PLCG2: variants seen among roughly 807,000 people sequenced by gnomAD.
PLCG2 encodes phospholipase C gamma 2.
In PLCG2, 69 loss-of-function variants were observed where a neutral mutation model predicts 175.6. That is an observed-to-expected ratio of 0.39 (90% CI 0.32 to 0.48). PLCG2 has a LOEUF of 0.48. Among genes scored for constraint, PLCG2 ranks in the 20% least tolerant of loss-of-function variants. The pLI is 0.91. For synonymous variants in PLCG2, 827 were observed against 624.0 expected (o/e 1.33, Z -4.85); for missense variants, 1,798 against 1,650.9 (o/e 1.09, Z -1.54).
At chr16:81,902,529 A>T (rs1316150914) in intron 14 of PLCG2, among the ~76,000 whole-genome samples, 1 of 152,138 alleles carries the variant, frequency 6.6e-6, no homozygotes, top group Non-Finnish European at 1.5e-5. Context: ...ACATGGAGAT[A>T]TCTTTGGCCT....
chr16:81,860,158 TTATTATTATTATTA>T (rs1906897128), intron 5 of PLCG2, among the ~76,000 whole-genome samples: 1 of 99,040 alleles, frequency 1.0e-5, no homozygotes, highest in Admixed American at 9.9e-5. Context: ...ATTATTATTA[TTATTATTATTATTA>T]TTTTTTTTTT....
rs866916966 is a variant in PLCG2 at position 81,932,472 on chromosome 16, T to C, written c.2739+818T>C. 2.0e-5 allele frequency among the ~76,000 whole-genome samples: 3 copies of C among 152,358 alleles called. No individual in the cohort carries two copies. In the South Asian group the frequency reaches 6.2e-4, roughly 32 times the overall value. ...TGGAAAGAAATTGTAGGGTTTCCCA[T>C]GCACCCATTTGTTTCTAAGGTAGAA... On this transcript the variant is annotated intron_variant, in intron 25 of 32. Transcript: ENST00000564138.
At chr16:81,748,049 A>G (rs1597301669) in intron 1 of PLCG2, among the ~76,000 whole-genome samples, 1 of 152,196 alleles carries the variant, frequency 6.6e-6, no homozygotes, top group East Asian at 1.9e-4. Context: ...TAATTTTTGT[A>G]TTTTTAGTAG....
intron 1 of PLCG2, among the ~76,000 whole-genome samples, chr16:81,782,531 G>A (rs1180211788): frequency 6.6e-6 from 1 of 152,222 alleles, no homozygotes; most frequent in Non-Finnish European, 1.5e-5. Context: ...CCTGAGCTGG[G>A]TGCTGGCAGG....
At chr16:81,859,210 C>A in intron 5 of PLCG2, 47 bp downstream of exon 5, 2 of 1,260,852 alleles carry the variant, frequency 1.6e-6, no homozygotes, top group Non-Finnish European at 1.2e-6. Context: ...TTTCGATCCT[C>A]ATTCTATCTT....
upstream of PLCG2, among the ~76,000 whole-genome samples, chr16:81,776,087 C>CTTTCTTTCTTGCTTTTTT (rs1484803060): frequency 1.5e-5 from 1 of 66,922 alleles, no homozygotes; most frequent in Non-Finnish European, 3.3e-5. Flanking sequence ...CTCTCTCTCT[C>CTTTCTTTCTTGCTTTTTT]TCTTTCTTTC....
intron 14 of PLCG2, among the ~76,000 whole-genome samples, chr16:81,901,362 A>C (rs959572743): frequency 3.5e-4 from 54 of 152,182 alleles, no homozygotes; most frequent in African/African-American, 1.3e-3. Flanking sequence ...TATTAGGATA[A>C]AGAGACCATA....
rs1041622334 is a variant in PLCG2, at chr16:81,865,773, C to T, written c.480-3441C>T. Among the ~76,000 whole-genome samples, 68 of 149,768 alleles carry T rather than the reference C, an allele frequency of 4.5e-4. 1 individual carries two copies. Among genetic ancestry groups the T allele is most frequent in the Admixed American group, 3.0e-3 (45 of 15,108 alleles). On this transcript the variant is annotated intron_variant, in intron 5 of 32. Transcript: ENST00000564138. ...GGGCAGCAGCGTGAGAGGACGCTGG[C>T]CTCTCCCTTGCTCCCAGGATGGGCT...
At chr16:81,823,744 G>A (rs572793247) in intron 2 of PLCG2, among the ~76,000 whole-genome samples, 5 of 150,266 alleles carry the variant, frequency 3.3e-5, no homozygotes, top group Admixed American at 1.3e-4. Context: ...TGCCCAGGCT[G>A]GCCTTGAATT....
At chr16:81,748,056 G>A (rs1909737923) in intron 1 of PLCG2, among the ~76,000 whole-genome samples, 1 of 152,114 alleles carries the variant, frequency 6.6e-6, no homozygotes, top group African/African-American at 2.4e-5. Context: ...TGTATTTTTA[G>A]TAGAAACAGG....
At position 81,823,980 on chromosome 16, in the gene PLCG2, CCTTCTTTTT is replaced by C. The variant is rs111947694; in HGVS notation, c.194-30461_194-30453del. Among the ~76,000 whole-genome samples, 797 of 146,510 alleles carry C rather than the reference CCTTCTTTTT, an allele frequency of 5.4e-3. 5 individuals are homozygous for C. Among genetic ancestry groups the C allele is most frequent in the African/African-American group, 0.019 (757 of 39,258 alleles). On this transcript the variant is annotated intron_variant, in intron 2 of 32. Transcript: ENST00000564138. The stretch of plus-strand genomic sequence containing the variant: ...TTCCCTTTCCTTCCTTCCTTCTTTT[CCTTCTTTTT>C]CTGTTTCTTTTTCTTTTTCCTTTCC...
intron 2 of PLCG2, among the ~76,000 whole-genome samples, chr16:81,807,832 C>CA (rs1483512469): frequency 6.6e-6 from 1 of 152,118 alleles, no homozygotes; most frequent in Non-Finnish European, 1.5e-5. Flanking sequence ...ATGGAGAAAG[C>CA]AGGAGCAAGA....
intron 2 of PLCG2, among the ~76,000 whole-genome samples, chr16:81,796,753 A>C (rs1194552958): frequency 6.6e-6 from 1 of 152,192 alleles, no homozygotes; most frequent in Admixed American, 6.5e-5. Flanking sequence ...TGAGTCATGC[A>C]TCTGCAAGCT....
At chr16:81,819,782 C>T (rs1387703041) in intron 2 of PLCG2, among the ~76,000 whole-genome samples, 1 of 152,104 alleles carries the variant, frequency 6.6e-6, no homozygotes, top group Non-Finnish European at 1.5e-5. Flanking sequence ...ATGGGGGTTT[C>T]ACCATGTTGG....
chr16:81,954,574 G>A (rs568281138), intron 31 of PLCG2, among the ~76,000 whole-genome samples: 3 of 152,328 alleles, frequency 2.0e-5, no homozygotes, highest in African/African-American at 7.2e-5. Context: ...TTATGAGTGA[G>A]AACATATGGT....
intron 2 of PLCG2, among the ~76,000 whole-genome samples, chr16:81,807,049 G>A (rs1289548304): frequency 1.3e-5 from 2 of 152,174 alleles, no homozygotes; most frequent in African/African-American, 2.4e-5. Context: ...CTCCTGAGTC[G>A]TCCATTCTAC....
chr16:81,858,781 A>G (rs898380759), intron 4 of PLCG2, among the ~76,000 whole-genome samples: 15 of 152,190 alleles, frequency 9.9e-5, no homozygotes, highest in South Asian at 2.1e-4. Flanking sequence ...GGGAGTCTAG[A>G]TGGGCATTGG....
At chr16:81,801,709 C>A (rs1342013920) in intron 2 of PLCG2, among the ~76,000 whole-genome samples, 1 of 151,394 alleles carries the variant, frequency 6.6e-6, no homozygotes, top group Non-Finnish European at 1.5e-5. Flanking sequence ...GAGGTGGTGT[C>A]TTGCTTTGTC....
chr16:81,935,968 C>G, intron 26 of PLCG2: 1 of 984,992 alleles, frequency 1.0e-6, no homozygotes, highest in Non-Finnish European at 1.2e-6. Flanking sequence ...AAACTAGGCC[C>G]CTTTTTAATA....
Sources: allele counts gnomAD v4.1 joint callset (sites outside exome capture counted in the v4.1 genomes callset), GRCh38; gene constraint gnomAD v4.1.1; transcripts MANE v1.5; gene names NCBI Gene and HGNC (gene_info 2026-07-23, HGNC 2026-07-21).